The following IMMP2L variants were observed in gnomAD, a reference collection of about 807,000 sequenced individuals.
IMMP2L encodes mitochondrial inner membrane protease subunit 2.
A neutral mutation model predicts 19.3 loss-of-function variants in IMMP2L; 18 were observed. The ratio of observed to expected loss-of-function variants is 0.93; its 90% confidence interval spans 0.64 to 1.38. IMMP2L has a LOEUF of 1.38. Among genes scored for constraint, IMMP2L ranks in the 40% most tolerant of loss-of-function variants. The probability of loss-of-function intolerance (pLI) is 0.00; values close to 1 mark genes in which losing one functional copy is unlikely to be tolerated. For missense variants in IMMP2L, 233 were observed against 218.2 expected (o/e 1.07, Z -0.43); for synonymous variants, 76 against 73.0 (o/e 1.04, Z -0.21).
chr7:111,537,518 T>C (rs922084611), intron 1 of IMMP2L, among the ~76,000 whole-genome samples: 1 of 146,840 alleles, frequency 6.8e-6, no homozygotes, highest in African/African-American at 2.5e-5. Context: ...CCTAGTCTCA[T>C]CACTTCCACT....
intron 2 of IMMP2L, among the ~76,000 whole-genome samples, chr7:111,500,636 T>C (rs1005797521): frequency 4.6e-5 from 7 of 152,120 alleles, no homozygotes; most frequent in African/African-American, 1.4e-4. Context: ...GGCAGGAGCA[T>C]TTGCGGATCA....
At chr7:111,231,024 CTGTG>C (rs60629485) in intron 3 of IMMP2L, among the ~76,000 whole-genome samples, 6,448 of 147,060 alleles carry the variant, frequency 0.044, 186 homozygotes, top group South Asian at 0.084. Context: ...TAAGTAGTGG[CTGTG>C]TGTGTGTGTG....
intron 1 of IMMP2L, among the ~76,000 whole-genome samples, chr7:111,537,121 A>T (rs1374099838): frequency 6.6e-6 from 1 of 152,148 alleles, no homozygotes; most frequent in Non-Finnish European, 1.5e-5. Flanking sequence ...AAGAGTAAAG[A>T]CGTTTCTGTA....
chr7:111,130,431 T>C (rs924998897), intron 3 of IMMP2L, among the ~76,000 whole-genome samples: 5 of 152,112 alleles, frequency 3.3e-5, no homozygotes, highest in Non-Finnish European at 5.9e-5. Context: ...TTTCTAACTC[T>C]ACTACATCAC....
chr7:111,138,707 A>G (rs895427752), intron 3 of IMMP2L, among the ~76,000 whole-genome samples: 2 of 152,192 alleles, frequency 1.3e-5, no homozygotes, highest in African/African-American at 4.8e-5. Flanking sequence ...CTGCCAATAG[A>G]TAATTCTATT....
chr7:111,473,254 T>C (rs1445193626), intron 3 of IMMP2L, among the ~76,000 whole-genome samples: 1 of 152,162 alleles, frequency 6.6e-6, no homozygotes, highest in African/African-American at 2.4e-5. Flanking sequence ...GCGATCTGCA[T>C]GTCTTCTTTT....
At chr7:111,272,313 C>T (rs1012703639) in intron 3 of IMMP2L, among the ~76,000 whole-genome samples, 58 of 152,260 alleles carry the variant, frequency 3.8e-4, no homozygotes, top group African/African-American at 1.3e-3. Flanking sequence ...CTCCACCTTG[C>T]TTTTTTAGCA....
chr7:111,242,982 A>C (rs1159502043), intron 3 of IMMP2L, among the ~76,000 whole-genome samples: 5 of 152,116 alleles, frequency 3.3e-5, no homozygotes, highest in Admixed American at 3.3e-4. Context: ...GGGAAGAAAA[A>C]GGAGATCTTA....
intron 3 of IMMP2L, among the ~76,000 whole-genome samples, chr7:111,421,565 C>T (rs1345501054): frequency 6.6e-5 from 10 of 151,566 alleles, no homozygotes; most frequent in Middle Eastern, 3.4e-3. Flanking sequence ...CCACCGCGCC[C>T]GGCCTGTTTT....
intron 5 of IMMP2L, among the ~76,000 whole-genome samples, chr7:110,742,915 A>G (rs1797081485): frequency 6.6e-6 from 1 of 152,214 alleles, no homozygotes; most frequent in Non-Finnish European, 1.5e-5. Context: ...ACACACATGG[A>G]CATTCCTACG....
chr7:111,294,288 T>G (rs1821404170), intron 3 of IMMP2L, among the ~76,000 whole-genome samples: 2 of 151,984 alleles, frequency 1.3e-5, no homozygotes, highest in East Asian at 3.9e-4. Flanking sequence ...TAAACAGATT[T>G]TTCTCAATAA....
intron 5 of IMMP2L, among the ~76,000 whole-genome samples, chr7:110,686,705 A>C (rs191796952): frequency 5.3e-4 from 81 of 152,116 alleles, no homozygotes; most frequent in South Asian, 1.0e-3. Flanking sequence ...TCTTGCTTGA[A>C]TCCATCTGCT....
rs202146681 is a variant in IMMP2L, at chr7:111,434,528, CTT to C, written c.239+52708_239+52709del. ...GTCATTTTTCTTTTTGTTTTTTTGT[CTT>C]GTTTGTTTTTTGTTTTTTTGTTTTA... is the stretch of plus-strand genomic sequence containing the variant. On this transcript the variant is annotated intron_variant, in intron 3 of 5. Coordinates refer to ENST00000405709, the MANE Select transcript of IMMP2L (RefSeq NM_032549.4). Among the ~76,000 whole-genome samples the C allele has an allele frequency of 8.9e-3, 1,333 of 149,406 alleles. 20 individuals carry two copies. Among genetic ancestry groups the C allele is most frequent in the Non-Finnish European group, 0.012 (808 of 67,464 alleles).
At chr7:110,735,474 A>G (rs1781887823) in intron 5 of IMMP2L, among the ~76,000 whole-genome samples, 2 of 151,916 alleles carry the variant, frequency 1.3e-5, no homozygotes, top group South Asian at 4.2e-4. Context: ...AGGCCACTTC[A>G]AAAGGAAGCC....
At chr7:110,779,909 C>T (rs918382575) in intron 5 of IMMP2L, among the ~76,000 whole-genome samples, 3 of 151,714 alleles carry the variant, frequency 2.0e-5, no homozygotes, top group Non-Finnish European at 2.9e-5. Flanking sequence ...AGGATCTGGA[C>T]TCTGAATTTG....
At chr7:111,033,799 T>C (rs1791067752) in intron 3 of IMMP2L, among the ~76,000 whole-genome samples, 1 of 152,224 alleles carries the variant, frequency 6.6e-6, no homozygotes, top group Non-Finnish European at 1.5e-5. Flanking sequence ...CAAAAACTTG[T>C]AGTTAATATT....
intron 2 of IMMP2L, among the ~76,000 whole-genome samples, chr7:111,494,398 A>C (rs1843402725): frequency 6.6e-6 from 1 of 152,196 alleles, no homozygotes; most frequent in Non-Finnish European, 1.5e-5. Flanking sequence ...CCATACAATT[A>C]GTTGAGAGCT....
intron 5 of IMMP2L, among the ~76,000 whole-genome samples, chr7:110,791,256 T>C (rs367768975): frequency 6.6e-6 from 1 of 151,612 alleles, no homozygotes; most frequent in African/African-American, 2.4e-5. Flanking sequence ...ACATTGTAAG[T>C]ATAGCTCTTA....
chr7:111,393,038 A>G, intron 3 of IMMP2L: 1 of 332,744 alleles, frequency 3.0e-6, no homozygotes, highest in Admixed American at 3.8e-5. Context: ...GCCATCAGTG[A>G]TTAGCTCAAT....
Sources: allele counts gnomAD v4.1 joint callset (sites outside exome capture counted in the v4.1 genomes callset), GRCh38; gene constraint gnomAD v4.1.1; transcripts MANE v1.5; gene names NCBI Gene and HGNC (gene_info 2026-07-23, HGNC 2026-07-21).